ARHGAP23: variants seen among roughly 807,000 people sequenced by gnomAD.
The protein encoded by ARHGAP23 is rho GTPase-activating protein 23.
In ARHGAP23, 34 loss-of-function variants were observed where a neutral mutation model predicts 136.3. The ratio of observed to expected loss-of-function variants is 0.25; its 90% CI spans 0.19 to 0.33. The LOEUF (loss-of-function observed/expected upper bound fraction) is 0.33. Among genes scored for constraint, ARHGAP23 ranks in the 10% least tolerant of loss-of-function variants. The pLI is 1.00. For missense variants in ARHGAP23, 1,808 were observed against 2,139.0 expected, an observed-to-expected ratio of 0.85 and a Z score of 3.05; for synonymous variants, 832 against 920.5, an observed-to-expected ratio of 0.90 and a Z score of 1.74.
In ARHGAP23 at chr17:38,510,457, CGCCGCCTGGCCCGGG is replaced by C. The variant is rs1428850231; in HGVS notation, c.3968_3982del (p.Leu1323_Arg1327del). The C allele has an allele frequency of 5.8e-6, 7 of 1,208,948 alleles. No homozygotes were observed. In the African/African-American group the frequency reaches 6.4e-5, roughly 11 times the overall value. 74.9% of individuals were successfully genotyped at this position (1,208,948 alleles called of 1,614,324 possible). On this transcript the variant is annotated inframe_deletion, in exon 24 of 24. Transcript: ENST00000622683. The surrounding 1 kb of genome is among the most constrained non-coding windows in gnomAD (Gnocchi z 4.6). Reference sequence around the variant, plus strand: ...CATGCCCTGCGACACTCTGGCGCGCCGCCGCCTGGCCCGGGGCCGCCCAGACGGCGAGGGCGCGGG... The same window carrying C: ...CATGCCCTGCGACACTCTGGCGCGCCGCCGCCCAGACGGCGAGGGCGCGGG...
At position 38,466,617 on chromosome 17, in the gene ARHGAP23, G is replaced by T; in HGVS notation, c.934G>T (p.Ala312Ser). ...ACGGTGCCCAGCCATGGCCCCCCGG[G>T]CCCGCAGCGCCTCCCAGGACCGGTT... The part of the protein sequence containing the change: ...ERRCPAMAPR[A>S]RSASQDRLEE... The change falls in exon 7 of 24, where the codon GCC becomes TCC. Residue 312 changes from alanine to serine, a missense_variant. Coordinates refer to ENST00000622683, the MANE Select transcript of ARHGAP23 (RefSeq NM_001199417.2). 6.6e-7 allele frequency: 1 copy of T among 1,515,198 alleles called. No homozygotes were observed. Among genetic ancestry groups the T allele is most frequent in the Non-Finnish European group, 8.8e-7 (1 of 1,136,540 alleles). 93.9% of individuals were successfully genotyped at this position (1,515,198 alleles called of 1,614,324 possible).
At chr17:38,470,125 C>T (rs181626769) in intron 10 of ARHGAP23, among the ~76,000 whole-genome samples, 6 of 152,338 alleles carry the variant, frequency 3.9e-5, no homozygotes, top group East Asian at 1.9e-4. Context: ...CATGGGCCCT[C>T]GTCTGGACTG....
At position 38,482,161 on chromosome 17, in the gene ARHGAP23, G is replaced by A. The variant is rs1470812976; in HGVS notation, c.2751+18G>A. The stretch of plus-strand genomic sequence containing the variant: ...AGAACCAGGTGAGTCTCTGCCACAC[G>A]CCAGAGCAGGCCCAGCAGGGGGAGA... On this transcript the variant is annotated intron_variant, in intron 15 of 23. Coordinates refer to ENST00000622683, the MANE Select transcript of ARHGAP23 (RefSeq NM_001199417.2). 16 of 1,545,364 alleles carry A rather than the reference G, an allele frequency of 1.0e-5. No individual in the cohort carries two copies. Among genetic ancestry groups the A allele is most frequent in the South Asian group, 2.4e-5 (2 of 83,190 alleles).
chr17:38,498,778 G>A (rs971035609), intron 22 of ARHGAP23, among the ~76,000 whole-genome samples: 2 of 152,142 alleles, frequency 1.3e-5, no homozygotes, highest in African/African-American at 4.8e-5. Flanking sequence ...TCTTTCCTCA[G>A]CCTTTAATTT....
Position 38,475,291 on chromosome 17 carries a change from G to A in ARHGAP23, c.2119-2288G>A, listed in dbSNP as rs146674230. The stretch of plus-strand genomic sequence containing the variant: ...AGCATGGGAGCTGCATGCAGCCTTG[G>A]TGACCAACTCTCTCACTCATTTACC... On this transcript the variant is annotated intron_variant, in intron 11 of 23. Coordinates refer to ENST00000622683, the MANE Select transcript of ARHGAP23 (RefSeq NM_001199417.2). Among the ~76,000 whole-genome samples the A allele has an allele frequency of 3.0e-3, 456 of 152,348 alleles. 1 individual carries two copies. Among genetic ancestry groups the A allele is most frequent in the African/African-American group, 0.01 (433 of 41,582 alleles).
At chr17:38,479,985 C>T in intron 14 of ARHGAP23, 102 bp downstream of exon 14, 1 of 1,470,698 alleles carries the variant, frequency 6.8e-7, no homozygotes, top group African/African-American at 1.4e-5. Flanking sequence ...TCATGTGTGC[C>T]TGACTGTGTG....
chr17:38,504,497 G>C (rs1368227371), intron 23 of ARHGAP23, among the ~76,000 whole-genome samples: 4 of 152,220 alleles, frequency 2.6e-5, no homozygotes, highest in African/African-American at 9.6e-5. Flanking sequence ...CACAAATCCT[G>C]CAAGTGCCGG....
chr17:38,424,255 T>A (rs763925961), upstream of ARHGAP23, among the ~76,000 whole-genome samples: 1 of 152,092 alleles, frequency 6.6e-6, no homozygotes, highest in Admixed American at 6.5e-5. Context: ...CCCCTCCGGC[T>A]GTCTCTCCTT....
chr17:38,492,890 G>C (rs1412058759), intron 20 of ARHGAP23, among the ~76,000 whole-genome samples: 3 of 152,214 alleles, frequency 2.0e-5, no homozygotes, highest in Non-Finnish European at 4.4e-5. Flanking sequence ...GTGTGTTTTG[G>C]GGGCAGCAGC....
chr17:38,455,008 C>T (rs2039290878), intron 1 of ARHGAP23, among the ~76,000 whole-genome samples: 1 of 152,216 alleles, frequency 6.6e-6, no homozygotes, highest in Non-Finnish European at 1.5e-5. Context: ...GAGCAACTCC[C>T]TCTCAGTCCC....
chr17:38,427,017 C>T (rs780544106), upstream of ARHGAP23, among the ~76,000 whole-genome samples: 4 of 152,190 alleles, frequency 2.6e-5, no homozygotes, highest in Non-Finnish European at 4.4e-5. Flanking sequence ...TTTTATCCTC[C>T]GCCTTCTTTT....
chr17:38,426,433 C>T (rs928181018), upstream of ARHGAP23, among the ~76,000 whole-genome samples: 2 of 151,318 alleles, frequency 1.3e-5, no homozygotes, highest in African/African-American at 4.9e-5. Context: ...GCCTGTAATC[C>T]CAGCTACTTG....
intron 16 of ARHGAP23, among the ~76,000 whole-genome samples, chr17:38,483,980 A>G (rs1412748769): frequency 2.0e-5 from 3 of 152,154 alleles, no homozygotes; most frequent in African/African-American, 7.2e-5. Context: ...AAGGCATTTG[A>G]TGGCTTCACT....
At chr17:38,447,574 C>A (rs9895967) in intron 1 of ARHGAP23, among the ~76,000 whole-genome samples, 1,880 of 151,920 alleles carry the variant, frequency 0.012, 24 homozygotes, top group African/African-American at 0.041. Context: ...AAGGGGGAGA[C>A]TCAGGCCAGG....
At chr17:38,497,737 T>C (rs1317419045) in intron 20 of ARHGAP23, 48 bp from the exon 21 acceptor site, 7 of 1,535,920 alleles carry the variant, frequency 4.6e-6, no homozygotes, top group South Asian at 2.4e-5. Flanking sequence ...TGGAAGAGAC[T>C]CTTCTTTCCC....
intron 1 of ARHGAP23, among the ~76,000 whole-genome samples, chr17:38,430,702 T>C (rs981407684): frequency 3.3e-5 from 5 of 152,204 alleles, no homozygotes; most frequent in African/African-American, 1.2e-4. Context: ...AGGCTAGCCA[T>C]GCAGGGAAGT....
chr17:38,457,093 A>G (rs2039343408), intron 1 of ARHGAP23, among the ~76,000 whole-genome samples: 1 of 152,158 alleles, frequency 6.6e-6, no homozygotes, highest in Non-Finnish European at 1.5e-5. Flanking sequence ...TATTTTTGGT[A>G]GAGACAGGGT....
intron 14 of ARHGAP23, among the ~76,000 whole-genome samples, chr17:38,481,750 A>G (rs1298871613): frequency 1.3e-5 from 2 of 152,162 alleles, no homozygotes; most frequent in African/African-American, 2.4e-5. Flanking sequence ...CAGAGACTCT[A>G]TCTCTAAAGA....
At chr17:38,507,919 G>A (rs1394577315) in intron 23 of ARHGAP23, among the ~76,000 whole-genome samples, 1 of 152,244 alleles carries the variant, frequency 6.6e-6, no homozygotes, top group Non-Finnish European at 1.5e-5. Flanking sequence ...GCTGAAACAA[G>A]AGGTGGTCTG....
Sources: allele counts gnomAD v4.1 joint callset (sites outside exome capture counted in the v4.1 genomes callset), GRCh38; gene constraint gnomAD v4.1.1; non-coding constraint Gnocchi (gnomAD v3.1); transcripts MANE v1.5; gene names NCBI Gene and HGNC (gene_info 2026-07-23, HGNC 2026-07-21).